The following POU6F1 variants were observed in gnomAD, a reference collection of about 807,000 sequenced individuals.
The protein encoded by POU6F1 is POU class 6 homeobox 1.
POU6F1 carries 9 observed loss-of-function variants against 28.9 expected under a neutral mutation model. The observed-to-expected ratio is 0.31, with a 90% confidence interval of 0.19 to 0.54. The LOEUF (loss-of-function observed/expected upper bound fraction) is 0.54, where lower values mean the gene tolerates loss of function less well. Ranked by LOEUF, POU6F1 falls within the 20% of genes least tolerant of loss-of-function variation. The pLI is 0.94. For synonymous variants in POU6F1, 173 were observed against 171.1 expected, an observed-to-expected ratio of 1.01 and a Z score of -0.09; for missense variants, 338 against 426.1, an observed-to-expected ratio of 0.79 and a Z score of 1.82.
intron 1 of POU6F1, among the ~76,000 whole-genome samples, chr12:51,211,502 G>C (rs1046226239): frequency 5.9e-5 from 9 of 152,198 alleles, no homozygotes; most frequent in African/African-American, 2.2e-4. Context: ...CAATGCTTTG[G>C]GAGGCTGAAG....
In POU6F1 at chr12:51,187,128, G is replaced by C. The variant is rs1282438507; in HGVS notation, c.*3119C>G. On this transcript the variant is annotated 3_prime_UTR_variant, in exon 11 of 11. Transcript: ENST00000333640. ...CATGGGAAGGTAATTGGATTTCCAAGAACACAAAAATGTCAGAGTCTCGCA... is the reference window on the plus strand; with the variant it reads ...CATGGGAAGGTAATTGGATTTCCAACAACACAAAAATGTCAGAGTCTCGCA... 1 of 152,162 alleles carries C rather than the reference G, an allele frequency of 6.6e-6. No homozygotes were observed. Among genetic ancestry groups the C allele is most frequent in the African/African-American group, 2.4e-5 (1 of 41,444 alleles). The allele number at this position is 152,162 out of a possible 1,614,324, so 9.4% of individuals were successfully genotyped here. A position where few individuals can be genotyped will look rare whatever the true frequency, so the allele number is the denominator to read the frequency against.
chr12:51,188,901 C>G lies in POU6F1; in HGVS notation c.*1346G>C, dbSNP rs1420133620. ...GCAAATCTCAGTTCTCTCCTGACTT[C>G]CTGGAGTTACATACTGAATTTTAGG... is the stretch of plus-strand genomic sequence containing the variant. On this transcript the variant is annotated 3_prime_UTR_variant, in exon 11 of 11. Transcript: ENST00000333640. 1 of 152,140 alleles carries G rather than the reference C, an allele frequency of 6.6e-6. No individual in the cohort carries two copies. 9.4% of individuals were successfully genotyped at this position (152,140 alleles called of 1,614,324 possible). A position where few individuals can be genotyped will look rare whatever the true frequency, so the allele number is the denominator to read the frequency against.
intron 1 of POU6F1, among the ~76,000 whole-genome samples, chr12:51,214,580 T>A (rs1412134876): frequency 1.3e-5 from 2 of 152,118 alleles, no homozygotes; most frequent in Non-Finnish European, 2.9e-5. Context: ...AAGCTGTTGG[T>A]AGGCTAACAG....
chr12:51,213,973 T>G (rs1424214070), intron 1 of POU6F1, among the ~76,000 whole-genome samples: 5 of 151,620 alleles, frequency 3.3e-5, no homozygotes, highest in African/African-American at 1.2e-4. Flanking sequence ...GGAAACCCCA[T>G]CTCTACTAAA....
chr12:51,208,384 C>T (rs1943766765), intron 1 of POU6F1, among the ~76,000 whole-genome samples: 1 of 152,180 alleles, frequency 6.6e-6, no homozygotes, highest in Admixed American at 6.5e-5. Context: ...ACATTTATTT[C>T]GAGTGCATAT....
In POU6F1 at chr12:51,190,513, G is replaced by C. The variant is rs190452607; in HGVS notation, c.1570C>G (p.Leu524Val). The change falls in exon 11 of 11, where the codon CTG becomes GTG. Residue 524 changes from leucine (L) to valine (V), a missense_variant. Around this residue, in one of 3 missense-constraint regions of POU6F1, gnomAD observed 126 missense variants for 176.5 expected, o/e 0.71. Transcript: ENST00000333640. This position sits in a 1 kb window ranked among gnomAD's most constrained non-coding sequence, Gnocchi z 4.5. ...TTCTGCTGGCCTTCCTGGTTCCGCA[G>C]TTCAGCTTCGTTTAGCCACTTTTCC... is the stretch of plus-strand genomic sequence containing the variant. ...VLEKWLNEAE[L>V]RNQEGQQNLM... is the part of the protein sequence containing the mutation. 454 of 1,614,178 alleles carry C rather than the reference G, an allele frequency of 2.8e-4. 1 individual carries two copies. The highest frequency in any genetic ancestry group is 1.6e-4 in the East Asian group (7 of 44,886).
chr12:51,192,882 G>A (rs1942527594), intron 8 of POU6F1, among the ~76,000 whole-genome samples: 1 of 151,560 alleles, frequency 6.6e-6, no homozygotes. Flanking sequence ...TCCAGACTGG[G>A]CGACAGAGTG....
chr12:51,208,220 G>A lies in POU6F1; in HGVS notation c.-47-1337C>T, dbSNP rs114821745. 8.0e-3 allele frequency among the ~76,000 whole-genome samples: 1,214 copies of A among 151,912 alleles called. 20 individuals carry two copies. The highest frequency in any genetic ancestry group is 0.028 in the African/African-American group (1,153 of 41,462). ...CTTGAGCCTGGGAGGTGGGAAGATC[G>A]CTTGAGCCTGGGAGGCAGAGGTTGC... On this transcript the variant is annotated intron_variant, in intron 1 of 10. Transcript: ENST00000333640.
At position 51,190,318 on chromosome 12, in the gene POU6F1, G is replaced by A. The variant is rs1195708538; in HGVS notation, c.1765C>T (p.Arg589Trp). 1.2e-6 allele frequency: 2 copies of A among 1,614,186 alleles called. No individual in the cohort carries two copies. The highest frequency in any genetic ancestry group is 2.2e-5 in the East Asian group (1 of 44,880). Residue 589 changes from arginine to tryptophan, a missense_variant, in exon 11 of 11, where the codon CGG becomes TGG. Physicochemically the swap from Arg to Trp is moderately radical, Grantham distance 101. Transcript: ENST00000333640. This position sits in a 1 kb window ranked among gnomAD's most constrained non-coding sequence, Gnocchi z 4.5. ...TGGCGCCGATTGCAGAACCAGACCCGCACTACCTCACGGTCGTAGTTGAGC... is the reference window on the plus strand; with the variant it reads ...TGGCGCCGATTGCAGAACCAGACCCACACTACCTCACGGTCGTAGTTGAGC... ...KELNYDREVV[R>W]VWFCNRRQTL...
chr12:51,196,427 T>C (rs1464262261), intron 7 of POU6F1, among the ~76,000 whole-genome samples: 1 of 152,234 alleles, frequency 6.6e-6, no homozygotes, highest in African/African-American at 2.4e-5. Flanking sequence ...TGCCACATTT[T>C]AGCTGTGTAG....
In POU6F1 at chr12:51,192,372, T is replaced by A; in HGVS notation, c.1279A>T (p.Ile427Phe). Reference protein sequence around the residue: ...AKPSASAPIPITCSETPTVSQ... With the variant: ...AKPSASAPIPFTCSETPTVSQ... ...ACGGTGGGGGTCTCTGAGCAGGTAATTGGGATAGGAGCAGAGGCAGATGGC... is the reference window on the plus strand; with the variant it reads ...ACGGTGGGGGTCTCTGAGCAGGTAAATGGGATAGGAGCAGAGGCAGATGGC... The change falls in exon 9 of 11, where the codon ATT (isoleucine) becomes TTT (phenylalanine). Residue 427 changes from isoleucine to phenylalanine, a missense_variant. By Grantham distance (21) the Ile-to-Phe change is conservative. Transcript: ENST00000333640. The A allele has an allele frequency of 6.2e-7, 1 of 1,613,944 alleles. No individual in the cohort carries two copies. The highest frequency in any genetic ancestry group is 8.5e-7 in the Non-Finnish European group (1 of 1,179,980).
rs568486262 is a variant in POU6F1, at chr12:51,189,975, A to G, written c.*272T>C. ...TCACCCTTCAGAAACCATGCTAGCA[A>G]GGTGCTTCTCTAAGTGACGTCACAA... On this transcript the variant is annotated 3_prime_UTR_variant, in exon 11 of 11. Coordinates refer to ENST00000333640, the MANE Select transcript of POU6F1 (RefSeq NM_001330422.2). 1 of 478,256 alleles carries G rather than the reference A, an allele frequency of 2.1e-6. No homozygotes were observed. Among genetic ancestry groups the G allele is most frequent in the East Asian group, 4.0e-5 (1 of 25,276 alleles). The allele number at this position is 478,256 out of a possible 1,614,324, so 29.6% of individuals were successfully genotyped here.
chr12:51,207,425 G>T (rs776037257), intron 1 of POU6F1: 8 of 152,204 alleles, frequency 5.3e-5, no homozygotes, highest in Non-Finnish European at 7.3e-5. Flanking sequence ...GTAAAGAAAG[G>T]GCAAGATATC....
rs1228504679 is a variant in POU6F1, at chr12:51,186,961, C to T, written c.*3286G>A. 1 of 152,232 alleles carries T rather than the reference C, an allele frequency of 6.6e-6. No homozygotes were observed. Among genetic ancestry groups the T allele is most frequent in the East Asian group, 1.9e-4 (1 of 5,196 alleles). The allele number at this position is 152,232 out of a possible 1,614,324, so 9.4% of individuals were successfully genotyped here. A position where few individuals can be genotyped will look rare whatever the true frequency, so the allele number is the denominator to read the frequency against. Reference sequence around the variant, plus strand: ...TACAAAAGAAAAAATACTGTTTATTCCACACAACTACATCAAGCGCTTCTT... The same window carrying T: ...TACAAAAGAAAAAATACTGTTTATTTCACACAACTACATCAAGCGCTTCTT... On this transcript the variant is annotated 3_prime_UTR_variant, in exon 11 of 11. Transcript: ENST00000333640.
chr12:51,210,574 G>A (rs903568819), intron 1 of POU6F1, among the ~76,000 whole-genome samples: 4 of 152,166 alleles, frequency 2.6e-5, no homozygotes, highest in Non-Finnish European at 4.4e-5. Context: ...AGGGGCAAGC[G>A]TCCACTTTGT....
chr12:51,197,830 T>C lies in POU6F1; in HGVS notation c.786A>G (p.Pro262=). Residue 262 remains proline, a synonymous_variant, in exon 6 of 11, where the codon CCA becomes CCG. Coordinates refer to ENST00000333640, the MANE Select transcript of POU6F1 (RefSeq NM_001330422.2). ...CGGTGATCTGTGGGGGGGTGTCCAC[T>C]GGCTTGGGGGTAGGGGCAGCAGCGG... ...AATAAAPTPK[P]VDTPPQITVQ... The C allele has an allele frequency of 3.0e-6, 1 of 330,350 alleles. No homozygotes were observed. Among genetic ancestry groups the C allele is most frequent in the Non-Finnish European group, 5.3e-6 (1 of 187,246 alleles). The allele number at this position is 330,350 out of a possible 1,614,324, so 20.5% of individuals were successfully genotyped here.
At chr12:51,196,275 T>A (rs1942821431) in intron 7 of POU6F1, 102 bp from the exon 8 acceptor site, 3 of 975,180 alleles carry the variant, frequency 3.1e-6, no homozygotes, top group Non-Finnish European at 2.9e-6. Flanking sequence ...AATGGACAAA[T>A]CCCTCAACCT....
intron 1 of POU6F1, among the ~76,000 whole-genome samples, chr12:51,215,990 T>C (rs1944269018): frequency 6.6e-6 from 1 of 152,192 alleles, no homozygotes; most frequent in African/African-American, 2.4e-5. Context: ...AAAGCATGCA[T>C]ATAAAAATGT....
rs1942213814 is a variant in POU6F1, at chr12:51,188,860, G to A, written c.*1387C>T. 2 of 152,192 alleles carry A rather than the reference G, an allele frequency of 1.3e-5. No individual in the cohort carries two copies. Among genetic ancestry groups the A allele is most frequent in the African/African-American group, 2.4e-5 (1 of 41,434 alleles). 9.4% of individuals were successfully genotyped at this position (152,192 alleles called of 1,614,324 possible). A position where few individuals can be genotyped will look rare whatever the true frequency, so the allele number is the denominator to read the frequency against. ...CCTTTAGGGATAATCTACACCGCAA[G>A]CCTGTGGTCATCTAGGCAAATCTCA... On this transcript the variant is annotated 3_prime_UTR_variant, in exon 11 of 11. Transcript: ENST00000333640.
Sources: gnomAD v4.1 joint callset for allele counts (sites outside exome capture counted in the v4.1 genomes callset) on GRCh38, gnomAD v4.1.1 for gene constraint, gnomAD v4.1.1 regional missense constraint, Gnocchi (gnomAD v3.1) non-coding constraint, MANE v1.5 for transcripts, NCBI Gene and HGNC (gene_info 2026-07-23, HGNC 2026-07-21) for gene names.